The following GPC3 variants were observed in gnomAD, a reference collection of about 807,000 sequenced individuals.
GPC3 encodes the protein glypican 3.
GPC3 carries 3 observed loss-of-function variants against 34.4 expected under a neutral mutation model. That is an observed-to-expected ratio of 0.09 (90% CI 0.04 to 0.23). The LOEUF (loss-of-function observed/expected upper bound fraction) is 0.23. Among genes scored for constraint, GPC3 ranks in the 10% least tolerant of loss-of-function variants. The pLI is 1.00. For missense variants in GPC3, 351 were observed against 445.6 expected, an observed-to-expected ratio of 0.79 and a Z score of 1.91; for synonymous variants, 177 against 174.0, an observed-to-expected ratio of 1.02 and a Z score of -0.13.
chrX:133,627,167 G>A (rs1364899343), intron 6 of GPC3, among the ~76,000 whole-genome samples: 11 of 68,210 alleles, frequency 1.6e-4, no homozygotes, highest in African/African-American at 4.7e-4. Context: ...CCTGTCGCAG[G>A]GTGGGGGGAG....
intron 2 of GPC3, among the ~76,000 whole-genome samples, chrX:133,816,052 G>A (rs763995833): frequency 9.1e-6 from 1 of 110,469 alleles, no homozygotes; most frequent in Admixed American, 9.7e-5. Flanking sequence ...ACTTTTTATT[G>A]TATTTATTTA....
intron 6 of GPC3, among the ~76,000 whole-genome samples, chrX:133,640,985 A>G (rs913178079): frequency 2.2e-4 from 24 of 110,884 alleles, no homozygotes; most frequent in African/African-American, 7.9e-4. Context: ...GGGGCCACAC[A>G]CAAGTAAGAA....
intron 4 of GPC3, among the ~76,000 whole-genome samples, chrX:133,699,174 G>A (rs1237933972): frequency 9.0e-6 from 1 of 111,574 alleles, no homozygotes; most frequent in Non-Finnish European, 1.9e-5. Context: ...CTGAGATCGC[G>A]CCACTGCACT....
intron 6 of GPC3, among the ~76,000 whole-genome samples, chrX:133,625,023 A>G (rs1288315371): frequency 3.6e-5 from 4 of 112,207 alleles, no homozygotes; most frequent in South Asian, 7.3e-4. Context: ...ATGCAAATCA[A>G]TAAATGTAAT....
chrX:133,579,259 TTTACA>T (rs2069712875), intron 7 of GPC3, among the ~76,000 whole-genome samples: 1 of 112,562 alleles, frequency 8.9e-6, no homozygotes, highest in Non-Finnish European at 1.9e-5. Flanking sequence ...CTTTAACCGC[TTTACA>T]TTACAATGAT....
intron 6 of GPC3, among the ~76,000 whole-genome samples, chrX:133,609,460 A>T (rs1044825944): frequency 2.7e-5 from 3 of 112,508 alleles, no homozygotes; most frequent in Non-Finnish European, 3.8e-5. Context: ...CGAATAGGAA[A>T]GGAATTTGAG....
intron 2 of GPC3, among the ~76,000 whole-genome samples, chrX:133,900,087 G>GC (rs2076137588): frequency 8.9e-6 from 1 of 112,101 alleles, no homozygotes; most frequent in Admixed American, 9.4e-5. Context: ...ACAGGCATGA[G>GC]CCACCGCGCC....
chrX:133,604,268 G>A (rs1029904995), intron 6 of GPC3, among the ~76,000 whole-genome samples: 1 of 111,926 alleles, frequency 8.9e-6, no homozygotes, highest in African/African-American at 3.2e-5. Flanking sequence ...AGACATCAAC[G>A]AATGGGGCCT....
rs2071073967 is a variant in GPC3, at chrX:133,692,447, A to C, written c.1214T>G (p.Leu405Trp). The C allele has an allele frequency of 5.0e-6, 6 of 1,203,298 alleles. No individual in the cohort carries two copies. Among genetic ancestry groups the C allele is most frequent in the African/African-American group, 1.7e-5 (1 of 57,405 alleles). ...GCTATGGCTGCAGATGTAGCCAGGC[A>C]AAGCACTATAGAAGCTGATGAAAGA... is the stretch of plus-strand genomic sequence containing the variant. ...LKSFISFYSALPGYICSHSPV... is the reference protein window; with the variant it reads ...LKSFISFYSAWPGYICSHSPV... Residue 405 changes from leucine to tryptophan, a missense_variant, in exon 5 of 8, where the codon TTG becomes TGG. Transcript: ENST00000370818.
chrX:133,734,496 T>C (rs770696521), intron 3 of GPC3, among the ~76,000 whole-genome samples: 33 of 109,387 alleles, frequency 3.0e-4, no homozygotes, highest in African/African-American at 1.1e-3. Flanking sequence ...GGGATATCCA[T>C]TGTTGCTAGT....
At chrX:133,706,826 C>T (rs1022666640) in intron 3 of GPC3, among the ~76,000 whole-genome samples, 9 of 111,521 alleles carry the variant, frequency 8.1e-5, no homozygotes, top group African/African-American at 2.9e-4. Flanking sequence ...GGTGAACTAC[C>T]ATTTGATTCA....
chrX:133,775,267 C>T (rs1420172350), intron 2 of GPC3, among the ~76,000 whole-genome samples: 1 of 110,197 alleles, frequency 9.1e-6, no homozygotes, highest in Non-Finnish European at 1.9e-5. Context: ...CAAAATTAGA[C>T]AACAAATATG....
rs1254473518 is a variant in GPC3, at chrX:133,579,532, A to G, written c.1573+16908T>C. Among the ~76,000 whole-genome samples the G allele has an allele frequency of 5.4e-5, 6 of 112,010 alleles. No homozygotes were observed. The Admixed American group carries it at 5.6e-4, about 11-fold the overall frequency. On this transcript the variant is annotated intron_variant, in intron 7 of 7. Transcript: ENST00000370818. ...TGAGGAAGGAGATGCATCTGAACTG[A>G]ATTTTTCATTTTTATTTTTATTTTT...
chrX:133,815,330 A>G (rs2075685313), intron 2 of GPC3, among the ~76,000 whole-genome samples: 1 of 109,701 alleles, frequency 9.1e-6, no homozygotes, highest in Non-Finnish European at 1.9e-5. Flanking sequence ...CTGGGGAGAA[A>G]TAAGCCTATC....
At chrX:133,878,756 G>C (rs1223961322) in intron 2 of GPC3, among the ~76,000 whole-genome samples, 1 of 111,906 alleles carries the variant, frequency 8.9e-6, no homozygotes, top group Non-Finnish European at 1.9e-5. Flanking sequence ...TGCCCAGTTA[G>C]ATACACAGCT....
At chrX:133,686,716 C>T (rs2071006511) in intron 5 of GPC3, among the ~76,000 whole-genome samples, 1 of 108,001 alleles carries the variant, frequency 9.3e-6, no homozygotes, top group Admixed American at 1.0e-4. Flanking sequence ...GGACTAAATG[C>T]CACTGAATCG....
intron 2 of GPC3, among the ~76,000 whole-genome samples, chrX:133,893,494 T>C (rs1603267265): frequency 8.9e-6 from 1 of 112,167 alleles, no homozygotes; most frequent in African/African-American, 3.2e-5. Context: ...ATTATATTTA[T>C]GATTTACTAA....
At position 133,811,712 on chromosome X, in the gene GPC3, A is replaced by T. The variant is rs182487397; in HGVS notation, c.338-57536T>A. On this transcript the variant is annotated intron_variant, in intron 2 of 7. Transcript: ENST00000370818. ...AATTAAACTGAGAGAAAAATGTCTA[A>T]TTCTGAAAACTAGCCATTTTAAAGC... 5.4e-4 allele frequency among the ~76,000 whole-genome samples: 61 copies of T among 111,958 alleles called. No homozygotes were observed. The Admixed American group carries it at 5.5e-3, about 10-fold the overall frequency.
intron 2 of GPC3, among the ~76,000 whole-genome samples, chrX:133,857,195 A>G (rs960646418): frequency 7.2e-5 from 8 of 111,357 alleles, no homozygotes; most frequent in African/African-American, 2.3e-4. Context: ...CTTCTGACCT[A>G]TTCTTCCTGT....
Sources: allele counts gnomAD v4.1 joint callset (sites outside exome capture counted in the v4.1 genomes callset), GRCh38; gene constraint gnomAD v4.1.1; transcripts MANE v1.5; gene names NCBI Gene and HGNC (gene_info 2026-07-23, HGNC 2026-07-21).